Variants in PSMB2 observed in about 807,000 individuals in gnomAD.
The protein encoded by PSMB2 is proteasome 20S subunit beta 2.
PSMB2 carries 13 observed loss-of-function variants against 25.7 expected under a neutral mutation model. That is an observed-to-expected ratio of 0.51 (90% CI 0.33 to 0.80). PSMB2 has a LOEUF of 0.80. PSMB2 is among the 30% of genes least tolerant of loss of function. The probability of loss-of-function intolerance (pLI) is 0.02; values close to 1 mark genes in which losing one functional copy is unlikely to be tolerated. For synonymous variants in PSMB2, 87 were observed against 96.2 expected, an observed-to-expected ratio of 0.90 and a Z score of 0.56; for missense variants, 202 against 259.0, an observed-to-expected ratio of 0.78 and a Z score of 1.51.
rs531640122 is a variant in PSMB2 at position 35,609,247 on chromosome 1, C to A, written c.447G>T (p.Pro149=). The part of the protein sequence containing the change: ...TLSILDRYYT[P]TISRERAVEL... ...CCTCCCTAGAGTATTAATACTTACTCGGTGTGTAGTATCGGTCGAGGATAC... is the reference window on the plus strand; with the variant it reads ...CCTCCCTAGAGTATTAATACTTACTAGGTGTGTAGTATCGGTCGAGGATAC... Residue 149 remains proline (P), a splice_region_variant and synonymous_variant, in exon 4 of 6, where the codon CCG becomes CCT. Coordinates refer to ENST00000373237, the MANE Select transcript of PSMB2 (RefSeq NM_002794.5). 6.3e-7 allele frequency: 1 copy of A among 1,590,796 alleles called. No homozygotes were observed. The highest frequency in any genetic ancestry group is 1.1e-5 in the South Asian group (1 of 87,894).
At chr1:35,635,342 A>G (rs1342847211) in intron 2 of PSMB2, among the ~76,000 whole-genome samples, 2 of 151,882 alleles carry the variant, frequency 1.3e-5, no homozygotes, top group African/African-American at 4.8e-5. Flanking sequence ...CCTGGTCTCA[A>G]GTGATCCTCC....
chr1:35,630,113 TC>T (rs1651046959), intron 3 of PSMB2, among the ~76,000 whole-genome samples: 1 of 152,112 alleles, frequency 6.6e-6, no homozygotes, highest in Non-Finnish European at 1.5e-5. Context: ...AGGCAGAGGT[TC>T]CAGTAAGCCA....
At chr1:35,640,079 A>ACTATC (rs1651350917) in intron 1 of PSMB2, among the ~76,000 whole-genome samples, 1 of 151,738 alleles carries the variant, frequency 6.6e-6, no homozygotes, top group Non-Finnish European at 1.5e-5. Flanking sequence ...ACTATACTAT[A>ACTATC]CTATACTATA....
chr1:35,616,669 G>T (rs1234029343), intron 3 of PSMB2, among the ~76,000 whole-genome samples: 1 of 152,174 alleles, frequency 6.6e-6, no homozygotes, highest in African/African-American at 2.4e-5. Context: ...CATGATGATA[G>T]ATTACCAACA....
chr1:35,627,583 G>T (rs1650903150), intron 3 of PSMB2, among the ~76,000 whole-genome samples: 1 of 152,098 alleles, frequency 6.6e-6, no homozygotes, highest in African/African-American at 2.4e-5. Context: ...AAAGGTCAAG[G>T]GGCTGCAGAG....
Position 35,599,884 on chromosome 1 carries a change from G to A in PSMB2, c.*3383C>T, listed in dbSNP as rs1200656796. The A allele has an allele frequency of 1.0e-6, 1 of 969,156 alleles. No homozygotes were observed. Among genetic ancestry groups the A allele is most frequent in the East Asian group, 1.1e-4 (1 of 8,740 alleles). The allele number at this position is 969,156 out of a possible 1,614,324, so 60.0% of individuals were successfully genotyped here. The stretch of plus-strand genomic sequence containing the variant: ...GCAGTGGCTCACATCTGTAATCCCA[G>A]TGCTTTGGCAGACCAAGGTGGGAGG... On this transcript the variant is annotated 3_prime_UTR_variant, in exon 6 of 6. Transcript: ENST00000373237.
chr1:35,636,408 C>G lies in PSMB2; in HGVS notation c.116G>C (p.Ser39Thr). ...KDDHDKMFKM[S>T]EKILLLCVGE... The stretch of plus-strand genomic sequence containing the variant: ...AACACACAGGAGTAATATCTTTTCA[C>G]TCATCTTAAACATCTTGTCATGATC... Residue 39 changes from serine to threonine, a missense_variant, in exon 2 of 6, where the codon AGT becomes ACT. By Grantham distance (58) the Ser-to-Thr change is moderately conservative (BLOSUM62 1). Coordinates refer to ENST00000373237, the MANE Select transcript of PSMB2 (RefSeq NM_002794.5). 6.2e-7 allele frequency: 1 copy of G among 1,614,050 alleles called. No homozygotes were observed. The highest frequency in any genetic ancestry group is 1.3e-5 in the African/African-American group (1 of 75,046).
chr1:35,631,252 CA>C, intron 3 of PSMB2, 21 bp downstream of exon 3: 2 of 1,604,804 alleles, frequency 1.2e-6, no homozygotes, highest in Non-Finnish European at 1.7e-6. Context: ...CTCTATCTAA[CA>C]ATGTCTGATA....
In PSMB2 at chr1:35,603,286, A is replaced by T. The variant is rs763050987; in HGVS notation, c.587T>A (p.Phe196Tyr). Reference protein sequence around the residue: ...NGIHDLDNISFPKQGS With the variant: ...NGIHDLDNISYPKQGS ...ATGATGTTAGGAGCCCTGTTTGGGG[A>T]AGGAAATGTTATCCAGGTCATGGAT... Residue 196 changes from phenylalanine to tyrosine, a missense_variant, in exon 6 of 6, where the codon TTC (phenylalanine) becomes TAC (tyrosine). Transcript: ENST00000373237. The T allele has an allele frequency of 1.9e-6, 3 of 1,614,144 alleles. No homozygotes were observed. Among genetic ancestry groups the T allele is most frequent in the Non-Finnish European group, 2.5e-6 (3 of 1,179,998 alleles).
At chr1:35,636,223 CTGT>C in intron 2 of PSMB2, 84 bp downstream of exon 2, 1 of 1,496,670 alleles carries the variant, frequency 6.7e-7, no homozygotes, top group Non-Finnish European at 9.2e-7. Context: ...AAATACATTT[CTGT>C]TGTTTAAGCC....
intron 3 of PSMB2, among the ~76,000 whole-genome samples, chr1:35,621,034 T>C (rs1334558393): frequency 6.6e-6 from 1 of 152,024 alleles, no homozygotes; most frequent in African/African-American, 2.4e-5. Flanking sequence ...TTATATTTGT[T>C]TTTAATCAGT....
intron 4 of PSMB2, among the ~76,000 whole-genome samples, chr1:35,608,377 AAGAT>A (rs1461451825): frequency 1.3e-5 from 2 of 151,804 alleles, no homozygotes; most frequent in African/African-American, 4.9e-5. Context: ...AAAAAAAAAA[AAGAT>A]AGAAAATTAT....
At chr1:35,607,457 A>G (rs1650201606) in intron 4 of PSMB2, among the ~76,000 whole-genome samples, 1 of 152,258 alleles carries the variant, frequency 6.6e-6, no homozygotes, top group South Asian at 2.1e-4. Flanking sequence ...AGAAATGCAA[A>G]TCAAAACCAC....
intron 3 of PSMB2, among the ~76,000 whole-genome samples, chr1:35,625,119 C>T (rs555620178): frequency 1.6e-4 from 24 of 151,774 alleles, no homozygotes; most frequent in African/African-American, 5.3e-4. Context: ...AGCAGCTTCA[C>T]AGAATAAAGT....
intron 3 of PSMB2, among the ~76,000 whole-genome samples, chr1:35,627,304 G>A (rs145890054): frequency 2.0e-3 from 282 of 138,290 alleles, no homozygotes; most frequent in Admixed American, 7.8e-3. Flanking sequence ...GATCCCTCAC[G>A]AAAAACTAAC....
intron 1 of PSMB2, among the ~76,000 whole-genome samples, chr1:35,638,971 C>T (rs1432441864): frequency 6.6e-6 from 1 of 152,128 alleles, no homozygotes; most frequent in African/African-American, 2.4e-5. Context: ...AGTCATCAGA[C>T]GGCTGGGCAC....
At chr1:35,606,020 G>A (rs1359550614) in intron 4 of PSMB2, among the ~76,000 whole-genome samples, 3 of 152,210 alleles carry the variant, frequency 2.0e-5, no homozygotes, top group South Asian at 2.1e-4. Flanking sequence ...AGATTCTTAC[G>A]ATACTGACAG....
intron 3 of PSMB2, among the ~76,000 whole-genome samples, chr1:35,613,469 C>G (rs1007663211): frequency 2.7e-4 from 41 of 152,166 alleles, no homozygotes; most frequent in African/African-American, 9.9e-4. Context: ...TATGATCCCC[C>G]CACTGTACTA....
intron 4 of PSMB2, among the ~76,000 whole-genome samples, chr1:35,608,006 A>G (rs1218068970): frequency 6.6e-6 from 1 of 152,214 alleles, no homozygotes; most frequent in Non-Finnish European, 1.5e-5. Flanking sequence ...ATAGAAGTAA[A>G]AAGTAGAATA....
Sources: gnomAD v4.1 joint callset for allele counts (sites outside exome capture counted in the v4.1 genomes callset) on GRCh38, gnomAD v4.1.1 for gene constraint, MANE v1.5 for transcripts, NCBI Gene and HGNC (gene_info 2026-07-23, HGNC 2026-07-21) for gene names.